Variants in INTS7 observed in about 807,000 individuals in gnomAD.
INTS7 encodes the protein chromosome 1 open reading frame 73.
INTS7 carries 46 observed loss-of-function variants against 109.2 expected under a neutral mutation model. That is an observed-to-expected ratio of 0.42 (90% confidence interval 0.33 to 0.54). The LOEUF is 0.54. Ranked by LOEUF, INTS7 falls within the 20% of genes least tolerant of loss-of-function variation. The pLI is 0.07. For missense variants in INTS7, 929 were observed against 1,132.4 expected (o/e 0.82, Z 2.58); for synonymous variants, 412 against 402.9 (o/e 1.02, Z -0.27).
At chr1:212,019,396 C>G (rs534537470) in intron 3 of INTS7, among the ~76,000 whole-genome samples, 2 of 152,006 alleles carry the variant, frequency 1.3e-5, no homozygotes, top group Non-Finnish European at 2.9e-5. Context: ...AAATTCTGAA[C>G]AAGAAGGAAG....
intron 7 of INTS7, among the ~76,000 whole-genome samples, chr1:211,989,265 C>T (rs1433345663): frequency 6.6e-6 from 1 of 151,580 alleles, no homozygotes; most frequent in Non-Finnish European, 1.5e-5. Flanking sequence ...GGAATAGATT[C>T]AAATATATAC....
intron 16 of INTS7, 144 bp downstream of exon 16, chr1:211,966,286 T>C (rs1020844559): frequency 1.6e-4 from 82 of 506,172 alleles, no homozygotes; most frequent in Admixed American, 8.9e-4. Flanking sequence ...TCACTAGTTA[T>C]GTGACCCACA....
intron 7 of INTS7, among the ~76,000 whole-genome samples, chr1:212,002,494 CCATCACCTAA>C: frequency 6.6e-6 from 1 of 152,180 alleles, no homozygotes; most frequent in Non-Finnish European, 1.5e-5. Context: ...TTCTTCCCTA[CCATCACCTAA>C]CATCACCTCC....
At chr1:211,984,269 G>A (rs900111665) in intron 8 of INTS7, among the ~76,000 whole-genome samples, 8 of 151,842 alleles carry the variant, frequency 5.3e-5, no homozygotes, top group African/African-American at 1.5e-4. Flanking sequence ...TGGACAATGC[G>A]GAGTCATCTA....
rs1365399406 is a variant in INTS7, at chr1:211,959,950, G to T, written c.2183+6480C>A. Among the ~76,000 whole-genome samples the T allele has an allele frequency of 6.6e-6, 1 of 151,566 alleles. No individual in the cohort carries two copies. Among genetic ancestry groups the T allele is most frequent in the Admixed American group, 6.5e-5 (1 of 15,280 alleles). On this transcript the variant is annotated intron_variant, in intron 16 of 19. Coordinates refer to ENST00000366994, the MANE Select transcript of INTS7 (RefSeq NM_015434.4). This position sits in a 1 kb window ranked among gnomAD's most constrained non-coding sequence, Gnocchi z 4.2. ...GACCTGCTAGTATCCTGCCGCGGTGGACAAGTGTGCATCCCGTTATGCTGC... is the reference window on the plus strand; with the variant it reads ...GACCTGCTAGTATCCTGCCGCGGTGTACAAGTGTGCATCCCGTTATGCTGC...
chr1:211,965,204 C>G (rs576716629), intron 16 of INTS7, among the ~76,000 whole-genome samples: 1 of 150,804 alleles, frequency 6.6e-6, no homozygotes, highest in East Asian at 1.9e-4. Flanking sequence ...AAAAACTCAA[C>G]ATCGCTGATC....
intron 12 of INTS7, 151 bp downstream of exon 12, chr1:211,976,431 C>T: frequency 4.8e-6 from 3 of 621,556 alleles, no homozygotes; most frequent in Non-Finnish European, 5.4e-6. Flanking sequence ...AGTTAAAAAT[C>T]AGGTCCTTTC....
intron 16 of INTS7, among the ~76,000 whole-genome samples, chr1:211,961,570 C>T (rs1240655536): frequency 6.6e-6 from 1 of 152,008 alleles, no homozygotes; most frequent in Non-Finnish European, 1.5e-5. Context: ...ACTGGGATTA[C>T]AGGCACGTGC....
chr1:211,966,550 G>T, intron 15 of INTS7, 52 bp from the exon 16 acceptor site: 2 of 1,107,738 alleles, frequency 1.8e-6, no homozygotes, highest in Non-Finnish European at 2.7e-6. Flanking sequence ...CCCGCTATAG[G>T]TTTCTATTAC....
At chr1:211,989,481 C>T (rs1391361121) in intron 7 of INTS7, among the ~76,000 whole-genome samples, 13 of 151,698 alleles carry the variant, frequency 8.6e-5, no homozygotes, top group Admixed American at 4.6e-4. Context: ...CCTAGAAAAA[C>T]ATATTCACAT....
At position 211,942,669 on chromosome 1, in the gene INTS7, C is replaced by A. The variant is rs1024336693; in HGVS notation, c.2602-558G>T. ...TTACTCCTTTAACAAATTAACTGAA[C>A]CATTTGTACATTGCTCATTTAATAA... On this transcript the variant is annotated intron_variant, in intron 19 of 19. Coordinates refer to ENST00000366994, the MANE Select transcript of INTS7 (RefSeq NM_015434.4). The surrounding 1 kb of genome is among the most constrained non-coding windows in gnomAD (Gnocchi z 4.2). 6.6e-6 allele frequency among the ~76,000 whole-genome samples: 1 copy of A among 152,152 alleles called. No homozygotes were observed. The highest frequency in any genetic ancestry group is 1.9e-4 in the East Asian group (1 of 5,204).
intron 18 of INTS7, 54 bp from the exon 19 acceptor site, chr1:211,945,023 G>A (rs1367775584): frequency 1.4e-5 from 21 of 1,545,926 alleles, no homozygotes; most frequent in Non-Finnish European, 1.8e-5. Context: ...GCTTCCTTCC[G>A]ACAAACATGT....
intron 1 of INTS7, among the ~76,000 whole-genome samples, chr1:212,029,845 AACAT>A (rs1019435564): frequency 2.1e-4 from 32 of 152,338 alleles, no homozygotes; most frequent in African/African-American, 7.5e-4. Flanking sequence ...CATGAACACA[AACAT>A]ACAACCCACA....
chr1:212,013,229 T>C (rs1407701031), intron 4 of INTS7, among the ~76,000 whole-genome samples: 1 of 152,162 alleles, frequency 6.6e-6, no homozygotes, highest in Non-Finnish European at 1.5e-5. Context: ...CTATGTTGCC[T>C]AGGCTGGTCT....
In INTS7 at chr1:211,944,842, T is replaced by G; in HGVS notation, c.2543A>C (p.Gln848Pro). 6.2e-7 allele frequency: 1 copy of G among 1,614,204 alleles called. No homozygotes were observed. The highest frequency in any genetic ancestry group is 1.1e-5 in the South Asian group (1 of 91,084). Residue 848 changes from glutamine to proline, a missense_variant, in exon 19 of 20, where the codon CAG (glutamine) becomes CCG (proline). Physicochemically the swap from Gln to Pro is moderately conservative, Grantham distance 76. Transcript: ENST00000366994. ...GSKPGLFRKIQSVCLNVSSTL... is the reference protein window; with the variant it reads ...GSKPGLFRKIPSVCLNVSSTL... The stretch of plus-strand genomic sequence containing the variant: ...GGAAGAAACATTCAGACAGACAGAC[T>G]GAATTTTGCGGAAGAGTCCTGGTTT...
At chr1:211,975,716 T>A (rs1233049899) in intron 12 of INTS7, among the ~76,000 whole-genome samples, 1 of 152,166 alleles carries the variant, frequency 6.6e-6, no homozygotes, top group Non-Finnish European at 1.5e-5. Flanking sequence ...ATTTAGTGGG[T>A]GAGAGAAACC....
chr1:211,991,362 C>T (rs892186276), intron 7 of INTS7, among the ~76,000 whole-genome samples: 11 of 152,160 alleles, frequency 7.2e-5, no homozygotes, highest in African/African-American at 2.7e-4. Context: ...ATTTGAGTCT[C>T]AACTTCTTTG....
At chr1:211,974,276 A>AATAT (rs58474002) in intron 13 of INTS7, among the ~76,000 whole-genome samples, 136 of 92,342 alleles carry the variant, frequency 1.5e-3, no homozygotes, top group East Asian at 2.6e-3. Flanking sequence ...AGAAAAAAAA[A>AATAT]ATATATATAT....
At position 212,007,821 on chromosome 1, in the gene INTS7, A is replaced by T. The variant is rs374928016; in HGVS notation, c.557-372T>A. Among the ~76,000 whole-genome samples the T allele has an allele frequency of 8.5e-5, 13 of 152,332 alleles. No homozygotes were observed. The East Asian group carries it at 9.6e-4, about 11-fold the overall frequency. On this transcript the variant is annotated intron_variant, in intron 5 of 19. Transcript: ENST00000366994. The stretch of plus-strand genomic sequence containing the variant: ...CACTTGATGGCTACAGTCTGATTAT[A>T]CTTATGATTTTAATTATTTCCTTCA...
Sources: gnomAD v4.1 joint callset for allele counts (sites outside exome capture counted in the v4.1 genomes callset) on GRCh38, gnomAD v4.1.1 for gene constraint, Gnocchi (gnomAD v3.1) non-coding constraint, MANE v1.5 for transcripts, NCBI Gene and HGNC (gene_info 2026-07-23, HGNC 2026-07-21) for gene names.